Variants in CPNE8 observed in about 807,000 individuals in gnomAD.
The protein encoded by CPNE8 is copine 8.
In CPNE8, 45 loss-of-function variants were observed where a neutral mutation model predicts 81.5. That is an observed-to-expected ratio of 0.55 (90% CI 0.44 to 0.71). CPNE8 has a LOEUF of 0.71. Among genes scored for constraint, CPNE8 ranks in the 30% least tolerant of loss-of-function variants. CPNE8 has a pLI of 0.00. For synonymous variants in CPNE8, 252 were observed against 226.3 expected (o/e 1.11, Z -1.02); for missense variants, 594 against 672.1 (o/e 0.88, Z 1.28).
At chr12:38,869,540 C>G (rs901431250) in intron 3 of CPNE8, among the ~76,000 whole-genome samples, 2 of 152,182 alleles carry the variant, frequency 1.3e-5, no homozygotes, top group Non-Finnish European at 2.9e-5. Context: ...GGCTTAGTAA[C>G]ACACACAGTG....
At chr12:38,900,944 G>C (rs185866291) in intron 1 of CPNE8, among the ~76,000 whole-genome samples, 3 of 152,232 alleles carry the variant, frequency 2.0e-5, no homozygotes, top group African/African-American at 7.2e-5. Flanking sequence ...TATTGGCCAG[G>C]GGGGCAGTGG....
intron 19 of CPNE8, among the ~76,000 whole-genome samples, chr12:38,658,788 C>T (rs961361034): frequency 3.3e-5 from 5 of 152,118 alleles, no homozygotes; most frequent in African/African-American, 1.2e-4. Context: ...AATTTCATAT[C>T]CAGCCAAACT....
At chr12:38,846,667 T>C (rs779474531) in intron 4 of CPNE8, among the ~76,000 whole-genome samples, 1 of 152,134 alleles carries the variant, frequency 6.6e-6, no homozygotes, top group Non-Finnish European at 1.5e-5. Context: ...ATTCATATAA[T>C]TAACTTTCAC....
Position 38,724,871 on chromosome 12 carries a change from TTTTTTCC to T in CPNE8, c.820_826del (p.Gly274ArgfsTer10). 1 of 1,506,050 alleles carries T rather than the reference TTTTTTCC, an allele frequency of 6.6e-7. No individual in the cohort carries two copies. Among genetic ancestry groups the T allele is most frequent in the Non-Finnish European group, 9.2e-7 (1 of 1,090,490 alleles). 93.3% of individuals were successfully genotyped at this position (1,506,050 alleles called of 1,614,324 possible). ...TGTTCCAGAATTAGTATATTTTTTC[TTTTTTCC>T]TTTCTTTTTGGGATTCACCACCTTA... On this transcript the variant is annotated frameshift_variant, in exon 12 of 20. Coordinates refer to ENST00000331366, the MANE Select transcript of CPNE8 (RefSeq NM_153634.3). LOFTEE classifies it high-confidence loss of function.
intron 6 of CPNE8, among the ~76,000 whole-genome samples, chr12:38,823,435 C>T (rs1943138126): frequency 6.6e-6 from 1 of 152,146 alleles, no homozygotes; most frequent in Non-Finnish European, 1.5e-5. Flanking sequence ...ACGAACCTTC[C>T]CTTAATTCTC....
At chr12:38,701,486 T>C (rs1471701139) in intron 14 of CPNE8, among the ~76,000 whole-genome samples, 1 of 152,012 alleles carries the variant, frequency 6.6e-6, no homozygotes, top group Non-Finnish European at 1.5e-5. Context: ...TTTTTGTTTG[T>C]TTGTTTGTTT....
chr12:38,891,469 G>A lies in CPNE8; in HGVS notation c.98+13968C>T, dbSNP rs569808929. Among the ~76,000 whole-genome samples, 516 of 148,920 alleles carry A rather than the reference G, an allele frequency of 3.5e-3. 3 individuals are homozygous for A. The highest frequency in any genetic ancestry group is 4.7e-3 in the Non-Finnish European group (314 of 67,428). On this transcript the variant is annotated intron_variant, in intron 1 of 19. Transcript: ENST00000331366. ...AACTAATTTTTTTTTTTTTTGAGAC[G>A]GAGTTTTCACTTTTGTTGCCCAGGC...
rs150905911 is a variant in CPNE8 at position 38,786,239 on chromosome 12, T to C, written c.408-9938A>G. 2.6e-5 allele frequency among the ~76,000 whole-genome samples: 4 copies of C among 152,300 alleles called. No individual in the cohort carries two copies. The East Asian group carries it at 7.7e-4, about 29-fold the overall frequency. On this transcript the variant is annotated intron_variant, in intron 6 of 19. Coordinates refer to ENST00000331366, the MANE Select transcript of CPNE8 (RefSeq NM_153634.3). ...AAAAGATAACTGTGATGGTTAATAC[T>C]GAGTGTCAACTTGATTGGATTGAAG...
chr12:38,706,127 C>T (rs1366858729), intron 13 of CPNE8, among the ~76,000 whole-genome samples: 2 of 152,086 alleles, frequency 1.3e-5, no homozygotes, highest in Non-Finnish European at 2.9e-5. Flanking sequence ...TTCAACTAAT[C>T]TGTTTCTCCA....
chr12:38,824,664 A>G (rs114793891), intron 6 of CPNE8, among the ~76,000 whole-genome samples: 113 of 152,322 alleles, frequency 7.4e-4, no homozygotes, highest in African/African-American at 2.1e-3. Context: ...AAATTAATAA[A>G]TAAGAGGTAC....
At chr12:38,655,161 T>C (rs1476548918) in intron 19 of CPNE8, among the ~76,000 whole-genome samples, 2 of 152,198 alleles carry the variant, frequency 1.3e-5, no homozygotes, top group Non-Finnish European at 1.5e-5. Flanking sequence ...GGTTTTTCAA[T>C]GGCAAAAACC....
intron 6 of CPNE8, 85 bp downstream of exon 6, chr12:38,829,294 A>T: frequency 1.2e-6 from 1 of 848,906 alleles, no homozygotes; most frequent in Non-Finnish European, 2.0e-6. Flanking sequence ...CTTTTGCTCC[A>T]CAACCATGCA....
intron 7 of CPNE8, among the ~76,000 whole-genome samples, chr12:38,775,413 T>C (rs956599411): frequency 6.6e-6 from 1 of 152,194 alleles, no homozygotes; most frequent in Non-Finnish European, 1.5e-5. Flanking sequence ...GTTAAGCTTT[T>C]GGTATTTGGG....
intron 6 of CPNE8, among the ~76,000 whole-genome samples, chr12:38,820,776 T>G (rs1273274935): frequency 6.6e-6 from 1 of 152,218 alleles, no homozygotes; most frequent in Non-Finnish European, 1.5e-5. Context: ...GGGTGAATAC[T>G]GGCACCTAAA....
chr12:38,758,198 G>A (rs1025948516), intron 10 of CPNE8, among the ~76,000 whole-genome samples: 5 of 149,614 alleles, frequency 3.3e-5, no homozygotes, highest in Non-Finnish European at 7.4e-5. Flanking sequence ...GCTCTCATTC[G>A]CTTAATCTAA....
At chr12:38,681,729 G>T (rs994824164) in intron 16 of CPNE8, among the ~76,000 whole-genome samples, 1 of 152,146 alleles carries the variant, frequency 6.6e-6, no homozygotes, top group African/African-American at 2.4e-5. Context: ...CTACCAACCT[G>T]TCCTACAAAT....
At chr12:38,898,378 A>G (rs927325462) in intron 1 of CPNE8, among the ~76,000 whole-genome samples, 2 of 152,190 alleles carry the variant, frequency 1.3e-5, no homozygotes, top group African/African-American at 4.8e-5. Flanking sequence ...AGTTCCCAGG[A>G]CAAATTTTAC....
At chr12:38,707,992 A>T (rs182356038) in intron 13 of CPNE8, among the ~76,000 whole-genome samples, 2 of 152,356 alleles carry the variant, frequency 1.3e-5, no homozygotes, top group African/African-American at 4.8e-5. Flanking sequence ...ATATTGTTCA[A>T]TGACAAAGAT....
chr12:38,897,424 T>C (rs1459412611), intron 1 of CPNE8, among the ~76,000 whole-genome samples: 2 of 152,080 alleles, frequency 1.3e-5, no homozygotes, highest in African/African-American at 4.8e-5. Context: ...TAACACTGTT[T>C]TGAATAGCAA....
Sources: allele counts gnomAD v4.1 joint callset (sites outside exome capture counted in the v4.1 genomes callset), GRCh38; gene constraint gnomAD v4.1.1; transcripts MANE v1.5; gene names NCBI Gene and HGNC (gene_info 2026-07-23, HGNC 2026-07-21).